ZC3H12B: variants seen among roughly 807,000 people sequenced by gnomAD.
ZC3H12B encodes probable ribonuclease ZC3H12B.
A neutral mutation model predicts 43.9 loss-of-function variants in ZC3H12B; 7 were observed. The observed-to-expected ratio is 0.16, with a 90% CI of 0.09 to 0.30. The LOEUF is 0.30. ZC3H12B is among the 10% of genes least tolerant of loss of function. The pLI is 1.00. For missense variants in ZC3H12B, 475 were observed against 670.2 expected, an observed-to-expected ratio of 0.71 and a Z score of 3.22; for synonymous variants, 222 against 241.7, an observed-to-expected ratio of 0.92 and a Z score of 0.76.
At chrX:65,070,850 G>A in the ZC3H12B span, among the ~76,000 whole-genome samples, 1 of 100,667 alleles carries the variant, frequency 9.9e-6, no homozygotes, top group African/African-American at 3.6e-5. Context: ...AGTTTGCTGA[G>A]GGTTGTCTTA....
the ZC3H12B span, among the ~76,000 whole-genome samples, chrX:65,259,285 A>G: frequency 2.7e-5 from 3 of 112,127 alleles, no homozygotes; most frequent in African/African-American, 6.5e-5. Context: ...CCAAACTTCT[A>G]TAAAGCCAAT....
the ZC3H12B span, among the ~76,000 whole-genome samples, chrX:65,324,084 C>A: frequency 8.9e-6 from 1 of 112,014 alleles, no homozygotes; most frequent in African/African-American, 3.2e-5. Context: ...CCTGTAGATT[C>A]TGGATATTAG....
the ZC3H12B span, among the ~76,000 whole-genome samples, chrX:65,359,474 A>T: frequency 6.2e-3 from 690 of 112,013 alleles, 4 homozygotes; most frequent in African/African-American, 0.021. Context: ...AGGACAAAAT[A>T]TCAACATTAA....
At chrX:65,229,644 G>A in the ZC3H12B span, among the ~76,000 whole-genome samples, 117 of 104,225 alleles carry the variant, frequency 1.1e-3, 1 homozygote, top group Middle Eastern at 4.8e-3. Context: ...ATCTGACAAA[G>A]GGCTAATATC....
the ZC3H12B span, among the ~76,000 whole-genome samples, chrX:65,262,551 TC>T: frequency 9.0e-5 from 10 of 111,341 alleles, no homozygotes; most frequent in African/African-American, 2.9e-4. Context: ...ATAAGTTCCA[TC>T]TCCCTACTAT....
the ZC3H12B span, among the ~76,000 whole-genome samples, chrX:65,035,033 C>T: frequency 8.9e-6 from 1 of 112,485 alleles, no homozygotes; most frequent in Non-Finnish European, 1.9e-5. Context: ...CGCCTTCCCC[C>T]CATCGCCTCC....
chrX:65,266,857 C>T, the ZC3H12B span, among the ~76,000 whole-genome samples: 1 of 110,655 alleles, frequency 9.0e-6, no homozygotes, highest in Non-Finnish European at 1.9e-5. Context: ...TTTAAAGGTA[C>T]AAATATTGGT....
At chrX:65,443,936 G>A (rs1472086796) in intron 3 of ZC3H12B, among the ~76,000 whole-genome samples, 2 of 112,002 alleles carry the variant, frequency 1.8e-5, no homozygotes, top group Non-Finnish European at 3.8e-5. Flanking sequence ...AAGATAGTTG[G>A]GACTTGTTTT....
chrX:65,171,846 G>T, the ZC3H12B span, among the ~76,000 whole-genome samples: 3 of 111,404 alleles, frequency 2.7e-5, no homozygotes, highest in Admixed American at 9.5e-5. Context: ...CGAGACAAGT[G>T]TGGGATATAA....
At chrX:65,266,673 T>C in the ZC3H12B span, among the ~76,000 whole-genome samples, 1 of 111,576 alleles carries the variant, frequency 9.0e-6, no homozygotes, top group African/African-American at 3.3e-5. Context: ...ATGTTCCTGA[T>C]GCAAGTTGCT....
chrX:65,263,576 G>A, the ZC3H12B span, among the ~76,000 whole-genome samples: 2 of 110,967 alleles, frequency 1.8e-5, no homozygotes, highest in African/African-American at 3.3e-5. Flanking sequence ...GGAACTAGAA[G>A]GATAGGAGAT....
chrX:65,326,531 G>T, the ZC3H12B span, among the ~76,000 whole-genome samples: 3 of 109,562 alleles, frequency 2.7e-5, no homozygotes, highest in Non-Finnish European at 5.7e-5. Flanking sequence ...ACGATAAAGA[G>T]AAGTTGATTA....
chrX:65,454,753 ATG>A (rs2067581050), intron 3 of ZC3H12B, among the ~76,000 whole-genome samples: 1 of 111,288 alleles, frequency 9.0e-6, no homozygotes, highest in Admixed American at 9.5e-5. Context: ...GACACCTCAC[ATG>A]GCCGGGTACT....
chrX:65,502,198 C>T, exon 5 of ZC3H12B: 2 of 1,211,534 alleles, frequency 1.7e-6, no homozygotes, highest in Non-Finnish European at 2.2e-6. Flanking sequence ...CCTCCCATTT[C>T]CCCCACCAGA....
the ZC3H12B span, among the ~76,000 whole-genome samples, chrX:65,163,974 A>T: frequency 1.8e-5 from 2 of 112,252 alleles, no homozygotes; most frequent in Admixed American, 9.5e-5. Context: ...TTTGATTATT[A>T]AATCTATCCT....
At chrX:65,392,657 A>C (rs12395383) in intron 2 of ZC3H12B, among the ~76,000 whole-genome samples, 42 of 110,209 alleles carry the variant, frequency 3.8e-4, no homozygotes, top group Middle Eastern at 1.0e-2. Flanking sequence ...CGGCCTCCCC[A>C]TCTGGGGGGT....
the ZC3H12B span, chrX:65,330,849 A>C: frequency 9.8e-6 from 2 of 203,728 alleles, no homozygotes; most frequent in Non-Finnish European, 2.0e-5. Context: ...AAAATGCTGC[A>C]GAATCTCACT....
At chrX:65,049,410 C>A in the ZC3H12B span, among the ~76,000 whole-genome samples, 1 of 111,284 alleles carries the variant, frequency 9.0e-6, no homozygotes, top group South Asian at 3.7e-4. Flanking sequence ...TTTTCCGGCA[C>A]CATCTGTTAA....
the ZC3H12B span, among the ~76,000 whole-genome samples, chrX:65,100,566 C>CAAAAAAAAAAA: frequency 1.8e-3 from 8 of 4,535 alleles, no homozygotes; most frequent in African/African-American, 3.4e-3. Context: ...AAAGATAAAG[C>CAAAAAAAAAAA]AAAAAAAAAA....
Sources: gnomAD v4.1 joint callset for allele counts (sites outside exome capture counted in the v4.1 genomes callset) on GRCh38, gnomAD v4.1.1 for gene constraint, MANE v1.5 for transcripts, NCBI Gene and HGNC (gene_info 2026-07-23, HGNC 2026-07-21) for gene names.